The following NME8 variants were observed in gnomAD, a reference collection of about 807,000 sequenced individuals.
The protein encoded by NME8 is NME/NM23 family member 8.
A neutral mutation model predicts 82.3 loss-of-function variants in NME8; 72 were observed. The observed-to-expected ratio is 0.87, with a 90% CI of 0.72 to 1.06. The LOEUF (loss-of-function observed/expected upper bound fraction) is 1.06. NME8 is among the 50% of genes least tolerant of loss of function. NME8 has a pLI of 0.00. For missense variants in NME8, 712 were observed against 685.4 expected (o/e 1.04, Z -0.43); for synonymous variants, 267 against 228.5 (o/e 1.17, Z -1.52).
intron 15 of NME8, among the ~76,000 whole-genome samples, chr7:37,891,258 C>T (rs1785124984): frequency 6.6e-6 from 1 of 151,592 alleles, no homozygotes; most frequent in Non-Finnish European, 1.5e-5. Flanking sequence ...TTTTTCTTCA[C>T]TATGCAGAAT....
At chr7:37,886,540 G>A (rs1785043505) in intron 14 of NME8, among the ~76,000 whole-genome samples, 1 of 152,130 alleles carries the variant, frequency 6.6e-6, no homozygotes. Flanking sequence ...ATTCTATGCT[G>A]GCATTGTTTT....
intron 15 of NME8, among the ~76,000 whole-genome samples, chr7:37,892,567 A>G (rs1785145947): frequency 6.6e-6 from 1 of 151,854 alleles, no homozygotes; most frequent in Admixed American, 6.6e-5. Flanking sequence ...ATCTTTGCCT[A>G]ACTTCTGTAT....
intron 15 of NME8, 97 bp from the exon 16 acceptor site, chr7:37,894,369 A>G: frequency 7.6e-7 from 1 of 1,311,064 alleles, no homozygotes. Flanking sequence ...CACAATATGC[A>G]AATTAAACTA....
At chr7:37,854,882 T>G (rs1193086419) in intron 5 of NME8, among the ~76,000 whole-genome samples, 1 of 152,204 alleles carries the variant, frequency 6.6e-6, no homozygotes, top group Admixed American at 6.6e-5. Context: ...CATGAAGTCA[T>G]GCACAACATC....
chr7:37,849,510 T>C (rs911138360), intron 2 of NME8, among the ~76,000 whole-genome samples: 2 of 152,120 alleles, frequency 1.3e-5, no homozygotes, highest in African/African-American at 2.4e-5. Flanking sequence ...GACATTAGCT[T>C]CTCTCTCCCC....
At position 37,894,536 on chromosome 7, in the gene NME8, T is replaced by C. The variant is rs748274434; in HGVS notation, c.1470T>C (p.Pro490=). Residue 490 remains proline (P), a synonymous_variant, in exon 16 of 18, where the codon CCT becomes CCC. Coordinates refer to ENST00000199447, the MANE Select transcript of NME8 (RefSeq NM_016616.5). Reference sequence around the variant, plus strand: ...AGGTGAAGAAAATGTTCCTAACTCCTGAGCAAATAGAGAAAATTTATCCAA... The same window carrying C: ...AGGTGAAGAAAATGTTCCTAACTCCCGAGCAAATAGAGAAAATTTATCCAA... ...LTQVKKMFLT[P]EQIEKIYPKV... 2 of 1,611,158 alleles carry C rather than the reference T, an allele frequency of 1.2e-6. No individual in the cohort carries two copies. Among genetic ancestry groups the C allele is most frequent in the African/African-American group, 2.7e-5 (2 of 74,844 alleles).
Position 37,863,465 on chromosome 7 carries a change from A to T in NME8, c.454+3A>T. The T allele has an allele frequency of 1.3e-6, 2 of 1,571,196 alleles. No individual in the cohort carries two copies. The highest frequency in any genetic ancestry group is 2.2e-5 in the East Asian group (1 of 44,642). ...AGAATCACCATGTGAAAGTGTTCGT[A>T]AGTAAATTTACTTCAAAGTAATCCA... On this transcript the variant is annotated splice_donor_region_variant and intron_variant, in intron 8 of 17. Coordinates refer to ENST00000199447, the MANE Select transcript of NME8 (RefSeq NM_016616.5).
intron 17 of NME8, among the ~76,000 whole-genome samples, chr7:37,897,612 G>T (rs1290347122): frequency 1.3e-5 from 2 of 152,156 alleles, no homozygotes; most frequent in Admixed American, 6.5e-5. Flanking sequence ...AGGTATATGT[G>T]TGCCATGGTG....
chr7:37,874,649 A>G (rs1784819565), intron 11 of NME8, among the ~76,000 whole-genome samples: 1 of 152,190 alleles, frequency 6.6e-6, no homozygotes, highest in Non-Finnish European at 1.5e-5. Flanking sequence ...AATAGTCTAG[A>G]TAAAGTAAGA....
intron 5 of NME8, among the ~76,000 whole-genome samples, chr7:37,851,503 A>C (rs1305609049): frequency 7.2e-6 from 1 of 138,910 alleles, no homozygotes; most frequent in Non-Finnish European, 1.6e-5. Context: ...CATATGAATT[A>C]AGACATACTC....
intron 13 of NME8, among the ~76,000 whole-genome samples, chr7:37,884,675 C>A (rs541317538): frequency 6.6e-6 from 1 of 152,306 alleles, no homozygotes; most frequent in South Asian, 2.1e-4. Context: ...GAGGAAGTTA[C>A]TGGAGTCCCA....
intron 11 of NME8, among the ~76,000 whole-genome samples, chr7:37,868,698 T>C (rs1482766220): frequency 6.6e-6 from 1 of 152,052 alleles, no homozygotes; most frequent in African/African-American, 2.4e-5. Context: ...CCATGTATAA[T>C]CCCTGCCAAC....
intron 7 of NME8, among the ~76,000 whole-genome samples, chr7:37,862,788 C>A (rs996721139): frequency 9.9e-5 from 15 of 152,028 alleles, no homozygotes; most frequent in Non-Finnish European, 7.4e-5. Flanking sequence ...TTATTAATTT[C>A]TGCTTTGTTC....
At chr7:37,865,424 T>A (rs902614501) in intron 9 of NME8, 101 bp from the exon 10 acceptor site, 1 of 775,908 alleles carries the variant, frequency 1.3e-6, no homozygotes, top group East Asian at 2.6e-5. Context: ...TTATAGAAAA[T>A]GTATTGAAAG....
chr7:37,894,534 C>T lies in NME8; in HGVS notation c.1468C>T (p.Pro490Ser). The change falls in exon 16 of 18, where the codon CCT becomes TCT. Residue 490 changes from proline to serine, a missense_variant. Pro to Ser is a moderately conservative substitution (Grantham distance 74, BLOSUM62 -1). Coordinates refer to ENST00000199447, the MANE Select transcript of NME8 (RefSeq NM_016616.5). ...LTQVKKMFLT[P>S]EQIEKIYPKV... ...ACAGGTGAAGAAAATGTTCCTAACT[C>T]CTGAGCAAATAGAGAAAATTTATCC... The T allele has an allele frequency of 6.2e-7, 1 of 1,611,382 alleles. No individual in the cohort carries two copies. The highest frequency in any genetic ancestry group is 8.5e-7 in the Non-Finnish European group (1 of 1,177,864).
chr7:37,889,272 A>G (rs1434083391), intron 15 of NME8, among the ~76,000 whole-genome samples: 4 of 151,580 alleles, frequency 2.6e-5, no homozygotes, highest in Non-Finnish European at 5.9e-5. Flanking sequence ...CTACTTTACC[A>G]TTTCTTATTT....
intron 5 of NME8, among the ~76,000 whole-genome samples, chr7:37,855,940 A>G (rs1784505624): frequency 6.6e-6 from 1 of 152,068 alleles, no homozygotes; most frequent in Non-Finnish European, 1.5e-5. Flanking sequence ...CTTCCTTTAA[A>G]AAAAAAAACC....
Position 37,894,540 on chromosome 7 carries a change from C to A in NME8, c.1474C>A (p.Gln492Lys). The A allele has an allele frequency of 6.2e-7, 1 of 1,610,780 alleles. No individual in the cohort carries two copies. The highest frequency in any genetic ancestry group is 8.5e-7 in the Non-Finnish European group (1 of 1,177,406). ...QVKKMFLTPEQIEKIYPKVTG... is the reference protein window; with the variant it reads ...QVKKMFLTPEKIEKIYPKVTG... ...GAAGAAAATGTTCCTAACTCCTGAG[C>A]AAATAGAGAAAATTTATCCAAAAGT... The change falls in exon 16 of 18, where the codon CAA becomes AAA. Residue 492 changes from glutamine (Q) to lysine (K), a missense_variant. Physicochemically the swap from Gln to Lys is moderately conservative, Grantham distance 53. Transcript: ENST00000199447.
intron 5 of NME8, among the ~76,000 whole-genome samples, chr7:37,856,298 T>C (rs753380772): frequency 4.6e-5 from 7 of 152,176 alleles, no homozygotes; most frequent in Non-Finnish European, 7.4e-5. Context: ...CTTTAGAAGG[T>C]AATTAGAGTA....
Sources: allele counts gnomAD v4.1 joint callset (sites outside exome capture counted in the v4.1 genomes callset), GRCh38; gene constraint gnomAD v4.1.1; transcripts MANE v1.5; gene names NCBI Gene and HGNC (gene_info 2026-07-23, HGNC 2026-07-21).